PMF1: variants seen among roughly 807,000 people sequenced by gnomAD.
PMF1 encodes polyamine modulated factor 1, also known as polyamine-modulated factor 1.
Under a neutral mutation model 26.7 loss-of-function variants are expected in PMF1, and 21 were observed. The ratio of observed to expected loss-of-function variants is 0.79; its 90% CI spans 0.56 to 1.13. The LOEUF is 1.13. Ranked by LOEUF, PMF1 falls within the 50% of genes most tolerant of loss-of-function variation. PMF1 has a pLI of 0.00. For synonymous variants in PMF1, 105 were observed against 101.0 expected, an observed-to-expected ratio of 1.04 and a Z score of -0.24; for missense variants, 266 against 254.9, an observed-to-expected ratio of 1.04 and a Z score of -0.30.
chr1:156,231,529 C>T (rs1234976921), intron 1 of PMF1, among the ~76,000 whole-genome samples: 1 of 151,822 alleles, frequency 6.6e-6, no homozygotes, highest in Non-Finnish European at 1.5e-5. Context: ...ACGGTGAAAC[C>T]CCATCTCTAC....
chr1:156,232,540 C>A, intron 2 of PMF1, 115 bp downstream of exon 2: 1 of 954,028 alleles, frequency 1.0e-6, no homozygotes, highest in Non-Finnish European at 1.6e-6. Context: ...GCCCCTAGAG[C>A]TGTCCTGGGT....
chr1:156,215,114 G>A (rs776184403), intron 1 of PMF1, among the ~76,000 whole-genome samples: 17 of 152,006 alleles, frequency 1.1e-4, no homozygotes, highest in Non-Finnish European at 2.2e-4. Context: ...GAGCTCAAGC[G>A]ATCCACTCAC....
chr1:156,228,268 T>TTTTA (rs1291612246), intron 1 of PMF1, among the ~76,000 whole-genome samples: 5 of 140,154 alleles, frequency 3.6e-5, no homozygotes, highest in African/African-American at 1.4e-4. Flanking sequence ...TTTTTTTTTT[T>TTTTA]TTTTTTTTTT....
intron 1 of PMF1, among the ~76,000 whole-genome samples, chr1:156,218,915 ATTTTTTTT>A (rs146823803): frequency 7.0e-6 from 1 of 141,964 alleles, no homozygotes; most frequent in African/African-American, 2.6e-5. Context: ...TTATTTTTTT[ATTTTTTTT>A]TAATTATTAT....
At chr1:156,217,054 A>T (rs901159608) in intron 1 of PMF1, among the ~76,000 whole-genome samples, 10 of 150,218 alleles carry the variant, frequency 6.7e-5, no homozygotes, top group African/African-American at 2.2e-4. Context: ...GGACACATGA[A>T]GGGGAATATC....
chr1:156,226,226 G>A (rs1487798308), intron 1 of PMF1, among the ~76,000 whole-genome samples: 1 of 152,174 alleles, frequency 6.6e-6, no homozygotes, highest in Non-Finnish European at 1.5e-5. Flanking sequence ...GGCTGATCTT[G>A]AACTCCTGGG....
At chr1:156,223,915 G>A (rs1423567745) in intron 1 of PMF1, 1 of 152,208 alleles carries the variant, frequency 6.6e-6, no homozygotes, top group East Asian at 1.9e-4. Flanking sequence ...GTACCACCAA[G>A]CTTGGCCTGG....
At chr1:156,226,820 G>A (rs1255577175) in intron 1 of PMF1, among the ~76,000 whole-genome samples, 2 of 152,208 alleles carry the variant, frequency 1.3e-5, no homozygotes, top group Non-Finnish European at 2.9e-5. Flanking sequence ...CAGGTAGTCT[G>A]TCCAGAGAAC....
intron 1 of PMF1, among the ~76,000 whole-genome samples, chr1:156,230,491 G>A (rs892649080): frequency 5.9e-5 from 9 of 152,176 alleles, no homozygotes; most frequent in South Asian, 2.1e-4. Context: ...TATCCACCTC[G>A]AATACCCAGT....
chr1:156,215,445 C>T (rs544934252), intron 1 of PMF1, among the ~76,000 whole-genome samples: 4 of 152,176 alleles, frequency 2.6e-5, no homozygotes, highest in Non-Finnish European at 4.4e-5. Flanking sequence ...TGTCCTGGCA[C>T]GGTCCCTCCC....
At chr1:156,225,875 G>T (rs1658347457) in intron 1 of PMF1, among the ~76,000 whole-genome samples, 1 of 151,932 alleles carries the variant, frequency 6.6e-6, no homozygotes, top group South Asian at 2.1e-4. Context: ...ATTTTTTTGA[G>T]GTGAAGTCTC....
chr1:156,216,657 A>G (rs1303902631), intron 1 of PMF1, among the ~76,000 whole-genome samples: 1 of 151,544 alleles, frequency 6.6e-6, no homozygotes, highest in Non-Finnish European at 1.5e-5. Context: ...GCGGCGGGGA[A>G]GGCGGCGAGG....
chr1:156,224,018 A>C (rs1658222366), intron 1 of PMF1: 2 of 152,164 alleles, frequency 1.3e-5, no homozygotes, highest in South Asian at 4.1e-4. Flanking sequence ...CAAACCACAA[A>C]GTTTCTTCCA....
chr1:156,235,720 C>T (rs543277612), intron 3 of PMF1, among the ~76,000 whole-genome samples: 33 of 152,312 alleles, frequency 2.2e-4, no homozygotes, highest in East Asian at 1.4e-3. Context: ...GGATTACAGG[C>T]GTGAGCCACC....
chr1:156,225,494 T>A, intron 1 of PMF1: 1 of 913,718 alleles, frequency 1.1e-6, no homozygotes, highest in Non-Finnish European at 1.7e-6. Context: ...TGTACCATTC[T>A]TCTGCCCTTT....
intron 1 of PMF1, among the ~76,000 whole-genome samples, chr1:156,224,404 A>C (rs1658242624): frequency 6.6e-6 from 1 of 152,214 alleles, no homozygotes; most frequent in Non-Finnish European, 1.5e-5. Flanking sequence ...CGAAAGGCTA[A>C]TTTTTAAAGG....
At chr1:156,235,095 A>T (rs1386955229) in intron 3 of PMF1, among the ~76,000 whole-genome samples, 2 of 151,182 alleles carry the variant, frequency 1.3e-5, no homozygotes, top group African/African-American at 2.4e-5. Context: ...AATACTTAAG[A>T]GAATTAAGTT....
chr1:156,222,787 G>A (rs1332743214), intron 1 of PMF1, among the ~76,000 whole-genome samples: 1 of 124,854 alleles, frequency 8.0e-6, no homozygotes, highest in East Asian at 2.0e-4. Context: ...AAAGTGCTGG[G>A]ATTACAGGCG....
At chr1:156,232,564 C>T (rs754138730) in intron 2 of PMF1, 139 bp downstream of exon 2, 76 of 689,382 alleles carry the variant, frequency 1.1e-4, no homozygotes, top group Non-Finnish European at 1.7e-4. Flanking sequence ...CAGCAGGCTG[C>T]AGCATCCATC....
Sources: allele counts gnomAD v4.1 joint callset (sites outside exome capture counted in the v4.1 genomes callset), GRCh38; gene constraint gnomAD v4.1.1; transcripts MANE v1.5; gene names NCBI Gene and HGNC (gene_info 2026-07-23, HGNC 2026-07-21).